The following CALN1 variants were observed in gnomAD, a reference collection of about 807,000 sequenced individuals.
The protein encoded by CALN1 is calcium-binding protein 8.
Under a neutral mutation model 30.6 loss-of-function variants are expected in CALN1, and 17 were observed. The ratio of observed to expected loss-of-function variants is 0.56; its 90% CI spans 0.38 to 0.83. The LOEUF (loss-of-function observed/expected upper bound fraction) is 0.83, where lower values mean the gene tolerates loss of function less well. Among genes scored for constraint, CALN1 ranks in the 40% least tolerant of loss-of-function variants. The pLI is 0.00. For missense variants in CALN1, 291 were observed against 354.9 expected (o/e 0.82, Z 1.45); for synonymous variants, 156 against 131.4 (o/e 1.19, Z -1.28).
chr7:71,873,617 A>G (rs186008480), intron 5 of CALN1, among the ~76,000 whole-genome samples: 1,982 of 141,270 alleles, frequency 0.014, 24 homozygotes, highest in South Asian at 0.021. Context: ...ATAAAAGTAA[A>G]AACAAAAAAA....
At chr7:72,476,605 C>T in the CALN1 span, among the ~76,000 whole-genome samples, 1 of 152,184 alleles carries the variant, frequency 6.6e-6, no homozygotes, top group Non-Finnish European at 1.5e-5. Context: ...CATATCTCAA[C>T]CCAAGCCTGC....
At chr7:72,499,135 A>G in the CALN1 span, among the ~76,000 whole-genome samples, 1 of 152,092 alleles carries the variant, frequency 6.6e-6, no homozygotes, top group Non-Finnish European at 1.5e-5. Context: ...GGTTCAAGTG[A>G]TTCTCCTACC....
chr7:71,999,047 T>C (rs907732591), intron 5 of CALN1, among the ~76,000 whole-genome samples: 2 of 152,142 alleles, frequency 1.3e-5, no homozygotes, highest in Non-Finnish European at 2.9e-5. Context: ...AAAAACAGAT[T>C]GGCAAAGTGG....
At position 72,054,638 on chromosome 7, in the gene CALN1, T is replaced by C. The variant is rs1803131151; in HGVS notation, c.389-30869A>G. On this transcript the variant is annotated intron_variant, in intron 4 of 6. Coordinates refer to ENST00000395275, the MANE Select transcript of CALN1 (RefSeq NM_031468.4). ...ACATGAATGGAGCTGGAAGCTGTTATCCTTAGCAAACTAATGCAGGAATAG... is the reference window on the plus strand; with the variant it reads ...ACATGAATGGAGCTGGAAGCTGTTACCCTTAGCAAACTAATGCAGGAATAG... 2.0e-5 allele frequency among the ~76,000 whole-genome samples: 3 copies of C among 151,230 alleles called. No homozygotes were observed. The Admixed American group carries it at 2.0e-4, about 10-fold the overall frequency.
At chr7:72,035,499 C>T (rs954370740) in intron 4 of CALN1, among the ~76,000 whole-genome samples, 2 of 152,136 alleles carry the variant, frequency 1.3e-5, no homozygotes, top group Non-Finnish European at 2.9e-5. Context: ...TATTTGTTTC[C>T]ACATGCCTTA....
At chr7:72,255,981 G>T (rs1286802796) in intron 3 of CALN1, among the ~76,000 whole-genome samples, 1 of 152,192 alleles carries the variant, frequency 6.6e-6, no homozygotes, top group African/African-American at 2.4e-5. Flanking sequence ...ACCCGCCTCG[G>T]CCTCCCAAGG....
chr7:72,026,941 C>T (rs1801097961), intron 4 of CALN1, among the ~76,000 whole-genome samples: 1 of 152,142 alleles, frequency 6.6e-6, no homozygotes, highest in Admixed American at 6.5e-5. Context: ...TGTGCAGTAA[C>T]TCTCTGCTCA....
intron 3 of CALN1, among the ~76,000 whole-genome samples, chr7:72,192,235 C>T (rs1479810281): frequency 6.6e-6 from 1 of 152,178 alleles, no homozygotes; most frequent in East Asian, 1.9e-4. Context: ...CAACGTGTTA[C>T]TGGACTGAAT....
chr7:72,203,473 A>C (rs1283524517), intron 3 of CALN1, among the ~76,000 whole-genome samples: 1 of 152,180 alleles, frequency 6.6e-6, no homozygotes, highest in East Asian at 1.9e-4. Context: ...GGGTGGGCTA[A>C]GGACTGCCAG....
intron 5 of CALN1, among the ~76,000 whole-genome samples, chr7:71,814,587 A>C (rs1330907108): frequency 6.6e-6 from 1 of 152,134 alleles, no homozygotes; most frequent in Non-Finnish European, 1.5e-5. Flanking sequence ...GGGTCCACTT[A>C]TATGTGGATT....
At chr7:72,312,655 GT>G (rs1162610956) in intron 2 of CALN1, among the ~76,000 whole-genome samples, 4 of 151,892 alleles carry the variant, frequency 2.6e-5, no homozygotes, top group Non-Finnish European at 5.9e-5. Context: ...GAAAGGACAA[GT>G]AAGTCAAAGA....
At chr7:72,151,742 C>T (rs1450086549) in intron 3 of CALN1, among the ~76,000 whole-genome samples, 4 of 152,184 alleles carry the variant, frequency 2.6e-5, no homozygotes, top group Non-Finnish European at 5.9e-5. Context: ...GACAGGGTCT[C>T]ACTCCATGGT....
At chr7:72,420,709 C>T (rs1198589930) in intron 1 of CALN1, among the ~76,000 whole-genome samples, 1 of 151,026 alleles carries the variant, frequency 6.6e-6, no homozygotes, top group Non-Finnish European at 1.5e-5. Context: ...CTGCAAGCTC[C>T]GCCTCCCGGG....
intron 2 of CALN1, among the ~76,000 whole-genome samples, chr7:72,384,913 G>A (rs1482600952): frequency 5.9e-5 from 9 of 151,988 alleles, no homozygotes; most frequent in Admixed American, 5.9e-4. Flanking sequence ...TCTGATAAAG[G>A]ACTTGTAGTC....
chr7:71,972,114 T>G (rs1797878308), intron 5 of CALN1, among the ~76,000 whole-genome samples: 2 of 151,998 alleles, frequency 1.3e-5, no homozygotes. Context: ...TACCCACGAA[T>G]AGACAAGTAA....
intron 5 of CALN1, among the ~76,000 whole-genome samples, chr7:71,920,327 GTTCTT>G (rs1794876713): frequency 7.8e-6 from 1 of 127,418 alleles, no homozygotes; most frequent in South Asian, 2.5e-4. Context: ...GGACAAATTA[GTTCTT>G]TTTTTTTTTT....
chr7:72,037,640 G>A (rs1350780250), intron 4 of CALN1, among the ~76,000 whole-genome samples: 2 of 152,210 alleles, frequency 1.3e-5, no homozygotes, highest in African/African-American at 2.4e-5. Flanking sequence ...AGGACAGGAT[G>A]TTTTTATTTA....
rs142607076 is a variant in CALN1, at chr7:72,397,714, T to TCTCACACACA, written c.119+5536_119+5537insTGTGTGTGAG. On this transcript the variant is annotated intron_variant, in intron 2 of 6. Coordinates refer to ENST00000395275, the MANE Select transcript of CALN1 (RefSeq NM_031468.4). ...GATCTTGGAGAGCACCCATTCTCTC[T>TCTCACACACA]CACACACACACACACACACACACAC... is the stretch of plus-strand genomic sequence containing the variant. Among the ~76,000 whole-genome samples the TCTCACACACA allele has an allele frequency of 8.1e-3, 1,154 of 142,896 alleles. 10 individuals carry two copies. Among genetic ancestry groups the TCTCACACACA allele is most frequent in the South Asian group, 0.014 (58 of 4,292 alleles). 93.7% of individuals were successfully genotyped at this position (142,896 alleles called of 152,430 possible). A position where few individuals can be genotyped will look rare whatever the true frequency, so the allele number is the denominator to read the frequency against.
intron 2 of CALN1, among the ~76,000 whole-genome samples, chr7:72,282,615 G>A (rs1479252695): frequency 2.0e-5 from 3 of 152,228 alleles, no homozygotes; most frequent in Non-Finnish European, 4.4e-5. Flanking sequence ...GCAGAGAGCA[G>A]CTCTCACCAG....
Sources: gnomAD v4.1 joint callset for allele counts (sites outside exome capture counted in the v4.1 genomes callset) on GRCh38, gnomAD v4.1.1 for gene constraint, MANE v1.5 for transcripts, NCBI Gene and HGNC (gene_info 2026-07-23, HGNC 2026-07-21) for gene names.